Variants in TMC1 observed in about 807,000 individuals in gnomAD.
TMC1 encodes transmembrane channel like 1.
Under a neutral mutation model 105.8 loss-of-function variants are expected in TMC1, and 84 were observed. The ratio of observed to expected loss-of-function variants is 0.79; its 90% CI spans 0.67 to 0.95. The LOEUF (loss-of-function observed/expected upper bound fraction) is 0.95. Among genes scored for constraint, TMC1 ranks in the 40% least tolerant of loss-of-function variants. TMC1 has a pLI of 0.00. For missense variants in TMC1, 817 were observed against 914.1 expected, an observed-to-expected ratio of 0.89 and a Z score of 1.37; for synonymous variants, 315 against 311.5, an observed-to-expected ratio of 1.01 and a Z score of -0.12.
intron 1 of TMC1, among the ~76,000 whole-genome samples, chr9:72,567,130 T>C (rs1461924268): frequency 1.3e-5 from 2 of 152,210 alleles, no homozygotes; most frequent in African/African-American, 4.8e-5. Flanking sequence ...TCCTCTCAAA[T>C]CCTTTAGGTT....
At chr9:72,667,889 C>G (rs1193429091) in intron 5 of TMC1, among the ~76,000 whole-genome samples, 1 of 152,186 alleles carries the variant, frequency 6.6e-6, no homozygotes, top group Non-Finnish European at 1.5e-5. Flanking sequence ...TCTAGAGACT[C>G]AATTTAAGTC....
chr9:72,588,116 A>AAGAGGAGAG (rs1384972134), intron 2 of TMC1, among the ~76,000 whole-genome samples: 1 of 152,002 alleles, frequency 6.6e-6, no homozygotes, highest in Non-Finnish European at 1.5e-5. Flanking sequence ...TGTACCCAGA[A>AAGAGGAGAG]AGAGGAGAGA....
intron 4 of TMC1, among the ~76,000 whole-genome samples, chr9:72,638,080 C>G (rs186745764): frequency 3.3e-5 from 5 of 152,136 alleles, no homozygotes; most frequent in East Asian, 3.9e-4. Flanking sequence ...ACCACCACCC[C>G]CTTCATTCCA....
intron 2 of TMC1, among the ~76,000 whole-genome samples, chr9:72,608,758 T>C (rs958612844): frequency 2.0e-5 from 3 of 152,058 alleles, no homozygotes; most frequent in Non-Finnish European, 4.4e-5. Flanking sequence ...ATAATGTTTA[T>C]TTAGTGGTGA....
intron 12 of TMC1, 85 bp downstream of exon 12, chr9:72,754,969 T>C: frequency 1.1e-6 from 1 of 924,360 alleles, no homozygotes; most frequent in South Asian, 1.3e-5. Flanking sequence ...CCTCCTCTCC[T>C]GGGTCAGGCT....
intron 1 of TMC1, among the ~76,000 whole-genome samples, chr9:72,528,140 T>A (rs1293347159): frequency 6.6e-6 from 1 of 152,020 alleles, no homozygotes; most frequent in Non-Finnish European, 1.5e-5. Context: ...TGAATGGGAT[T>A]ACTGTTCTTA....
chr9:72,760,844 T>C (rs1441947001), intron 12 of TMC1, among the ~76,000 whole-genome samples: 4 of 152,106 alleles, frequency 2.6e-5, no homozygotes, highest in African/African-American at 2.4e-5. Flanking sequence ...TACCAATCTG[T>C]AGAGCTTCAT....
At chr9:72,727,124 C>A (rs1156535681) in intron 8 of TMC1, among the ~76,000 whole-genome samples, 1 of 152,108 alleles carries the variant, frequency 6.6e-6, no homozygotes, top group African/African-American at 2.4e-5. Context: ...TAGATAAATT[C>A]CTGCAAACCA....
At chr9:72,764,811 C>G (rs1426426978) in intron 12 of TMC1, among the ~76,000 whole-genome samples, 1 of 152,140 alleles carries the variant, frequency 6.6e-6, no homozygotes, top group Non-Finnish European at 1.5e-5. Flanking sequence ...AATACAAAGA[C>G]AACTAACATA....
intron 20 of TMC1, among the ~76,000 whole-genome samples, chr9:72,825,435 C>T (rs916452735): frequency 2.4e-4 from 37 of 152,266 alleles, no homozygotes; most frequent in Admixed American, 6.5e-4. Context: ...ATAATTTGTA[C>T]GTAATTAAGA....
intron 8 of TMC1, among the ~76,000 whole-genome samples, chr9:72,731,826 G>T (rs1273653886): frequency 6.6e-6 from 1 of 151,998 alleles, no homozygotes; most frequent in Non-Finnish European, 1.5e-5. Context: ...CTACTCCTTT[G>T]ACCATGTAAC....
chr9:72,671,671 G>A (rs1256843843), intron 5 of TMC1, among the ~76,000 whole-genome samples: 1 of 152,092 alleles, frequency 6.6e-6, no homozygotes, highest in Non-Finnish European at 1.5e-5. Flanking sequence ...AGGGGCTTGA[G>A]GGGTGTCCTG....
At position 72,648,633 on chromosome 9, in the gene TMC1, A is replaced by ACAGGACAC. The variant is rs573607788; in HGVS notation, c.-14_-7dup. The ACAGGACAC allele has an allele frequency of 3.2e-5, 51 of 1,612,902 alleles. 3 individuals are homozygous for ACAGGACAC. In the South Asian group the frequency reaches 5.2e-4, roughly 16 times the overall value. On this transcript the variant is annotated 5_prime_UTR_variant, in exon 5 of 24. Transcript: ENST00000297784. ...ACTAGCCAGCCACTGAGACCTTCTG[A>ACAGGACAC]CAGGACACCCCCAGGATGTCACCCA...
intron 5 of TMC1, among the ~76,000 whole-genome samples, chr9:72,657,302 T>G (rs1209594752): frequency 1.3e-5 from 2 of 152,230 alleles, no homozygotes; most frequent in Non-Finnish European, 1.5e-5. Context: ...TCTCATTTCC[T>G]TCCCTTTCAG....
chr9:72,533,883 A>G (rs912832727), intron 1 of TMC1, among the ~76,000 whole-genome samples: 4 of 152,176 alleles, frequency 2.6e-5, no homozygotes, highest in Non-Finnish European at 5.9e-5. Flanking sequence ...TTGTAATCCC[A>G]GCACTTTGGG....
intron 5 of TMC1, among the ~76,000 whole-genome samples, chr9:72,687,516 A>G (rs905169859): frequency 2.0e-5 from 3 of 152,126 alleles, no homozygotes; most frequent in African/African-American, 7.2e-5. Flanking sequence ...AACAGAAGGC[A>G]TATGTTCACT....
intron 23 of TMC1, among the ~76,000 whole-genome samples, chr9:72,833,289 C>T (rs771752357): frequency 1.3e-5 from 2 of 152,076 alleles, no homozygotes; most frequent in Admixed American, 6.6e-5. Flanking sequence ...TCTTTTTAAA[C>T]ATTTTCTTAT....
intron 8 of TMC1, among the ~76,000 whole-genome samples, chr9:72,726,334 A>G (rs72733047): frequency 0.14 from 20,907 of 152,246 alleles, 1,697 homozygotes; most frequent in African/African-American, 0.23. Context: ...TCATATCTAC[A>G]TAATGATACA....
intron 1 of TMC1, among the ~76,000 whole-genome samples, chr9:72,528,085 C>T (rs1823436486): frequency 6.6e-6 from 1 of 152,140 alleles, no homozygotes; most frequent in Non-Finnish European, 1.5e-5. Flanking sequence ...GTATTAGAAA[C>T]TGAAGCCTCT....
Sources: allele counts gnomAD v4.1 joint callset (sites outside exome capture counted in the v4.1 genomes callset), GRCh38; gene constraint gnomAD v4.1.1; transcripts MANE v1.5; gene names NCBI Gene and HGNC (gene_info 2026-07-23, HGNC 2026-07-21).